DNAH5: variants seen among roughly 807,000 people sequenced by gnomAD.
DNAH5 encodes axonemal beta dynein heavy chain 5.
A neutral mutation model predicts 518.2 loss-of-function variants in DNAH5; 372 were observed. The ratio of observed to expected loss-of-function variants is 0.72; its 90% CI spans 0.66 to 0.78. The LOEUF (loss-of-function observed/expected upper bound fraction) is 0.78, where lower values mean the gene tolerates loss of function less well. Ranked by LOEUF, DNAH5 falls within the 30% of genes least tolerant of loss-of-function variation. The pLI, the probability that DNAH5 is intolerant of heterozygous loss-of-function variation, is 0.00. For missense variants in DNAH5, 5,523 were observed against 5,687.0 expected, an observed-to-expected ratio of 0.97 and a Z score of 0.93; for synonymous variants, 2,039 against 2,025.9, an observed-to-expected ratio of 1.01 and a Z score of -0.17.
intron 16 of DNAH5, among the ~76,000 whole-genome samples, chr5:13,891,936 CAGAT>C (rs1367960522): frequency 6.6e-6 from 1 of 152,158 alleles, no homozygotes; most frequent in Non-Finnish European, 1.5e-5. Context: ...CATTTTTCAA[CAGAT>C]ACCATACAGT....
chr5:13,859,814 A>G (rs908391564), intron 29 of DNAH5, among the ~76,000 whole-genome samples: 2 of 152,174 alleles, frequency 1.3e-5, no homozygotes, highest in East Asian at 3.9e-4. Flanking sequence ...GATCCAGAGC[A>G]TAGAGAAGGG....
intron 70 of DNAH5, among the ~76,000 whole-genome samples, chr5:13,721,543 T>C (rs965653589): frequency 3.3e-5 from 5 of 152,082 alleles, no homozygotes; most frequent in African/African-American, 1.2e-4. Flanking sequence ...GACCAGAAAA[T>C]AAAAATACTG....
Position 13,721,094 on chromosome 5 carries a change from A to C in DNAH5, c.12185T>G (p.Leu4062Trp), listed in dbSNP as rs1744993577. 6.2e-7 allele frequency: 1 copy of C among 1,614,108 alleles called. No homozygotes were observed. Among genetic ancestry groups the C allele is most frequent in the East Asian group, 2.2e-5 (1 of 44,874 alleles). Residue 4062 changes from leucine (L) to tryptophan (W), a missense_variant, in exon 71 of 79, where the codon TTG (leucine) becomes TGG (tryptophan). By Grantham distance (61) the Leu-to-Trp change is moderately conservative. Around this residue, in one of 3 missense-constraint regions of DNAH5, gnomAD observed 5,121 missense variants for 5,223.3 expected, o/e 0.98. Coordinates refer to ENST00000265104, the MANE Select transcript of DNAH5 (RefSeq NM_001369.3). ...GSDPTDSIIALGKRLKIETRY... is the reference protein window; with the variant it reads ...GSDPTDSIIAWGKRLKIETRY... ...GGTTTCTATTTTTAATCTCTTCCCCAAGGCAATGATGGAATCTGTGGGGTC... is the reference window on the plus strand; with the variant it reads ...GGTTTCTATTTTTAATCTCTTCCCCCAGGCAATGATGGAATCTGTGGGGTC...
intron 29 of DNAH5, among the ~76,000 whole-genome samples, 191 bp from the exon 30 acceptor site, chr5:13,859,796 T>A (rs1448901761): frequency 6.6e-6 from 1 of 152,214 alleles, no homozygotes; most frequent in Non-Finnish European, 1.5e-5. Context: ...TCTAGCTTTT[T>A]CCCTTTTGAT....
chr5:13,921,124 T>A (rs2151993473), intron 5 of DNAH5, among the ~76,000 whole-genome samples: 1 of 152,282 alleles, frequency 6.6e-6, no homozygotes, highest in South Asian at 2.1e-4. Context: ...ATGCCAACAA[T>A]TTTATTTGGT....
chr5:13,753,953 C>T (rs111780159), intron 62 of DNAH5, among the ~76,000 whole-genome samples: 25 of 152,164 alleles, frequency 1.6e-4, no homozygotes, highest in African/African-American at 5.5e-4. Flanking sequence ...CTAATAAGGA[C>T]AGCATAGATG....
intron 43 of DNAH5, 132 bp from the exon 44 acceptor site, chr5:13,811,955 C>T: frequency 1.3e-6 from 1 of 766,564 alleles, no homozygotes; most frequent in Non-Finnish European, 2.1e-6. Context: ...CACTATGTTC[C>T]AGGCTTTGTT....
intron 42 of DNAH5, among the ~76,000 whole-genome samples, chr5:13,816,151 G>A (rs1761417182): frequency 6.6e-6 from 1 of 152,196 alleles, no homozygotes; most frequent in South Asian, 2.1e-4. Flanking sequence ...TATTTGACAA[G>A]CTGGAGGTCA....
chr5:13,824,596 G>A (rs1354544369), intron 38 of DNAH5, among the ~76,000 whole-genome samples: 1 of 152,108 alleles, frequency 6.6e-6, no homozygotes, highest in Non-Finnish European at 1.5e-5. Flanking sequence ...CAGGGAAAAA[G>A]GAATAAATTT....
chr5:13,786,449 A>G, intron 51 of DNAH5, 98 bp from the exon 52 acceptor site: 1 of 1,219,368 alleles, frequency 8.2e-7, no homozygotes, highest in Non-Finnish European at 1.2e-6. Context: ...CTAACACTGA[A>G]TAACATTCAT....
chr5:13,775,140 T>G (rs867771107), intron 55 of DNAH5, among the ~76,000 whole-genome samples: 16 of 151,588 alleles, frequency 1.1e-4, no homozygotes, highest in Middle Eastern at 6.8e-3. Context: ...TTTGTTTTTT[T>G]TTTTTTTCAA....
intron 1 of DNAH5, among the ~76,000 whole-genome samples, chr5:13,992,631 G>A (rs780139176): frequency 1.1e-4 from 17 of 152,098 alleles, no homozygotes; most frequent in Non-Finnish European, 2.2e-4. Flanking sequence ...TCATATCCAG[G>A]GGATTCCCTT....
chr5:13,777,105 G>T (rs1007346963), intron 54 of DNAH5, 97 bp downstream of exon 54: 1 of 1,173,466 alleles, frequency 8.5e-7, no homozygotes, highest in Non-Finnish European at 1.2e-6. Flanking sequence ...ATCCCCAATA[G>T]CACTTATTCA....
At chr5:13,864,968 T>A (rs910263191) in intron 27 of DNAH5, among the ~76,000 whole-genome samples, 2 of 151,518 alleles carry the variant, frequency 1.3e-5, no homozygotes, top group Non-Finnish European at 2.9e-5. Flanking sequence ...CATAGCAAAG[T>A]GTATCAGGCT....
chr5:14,000,181 G>A (rs886675382), intron 1 of DNAH5, among the ~76,000 whole-genome samples: 4 of 152,188 alleles, frequency 2.6e-5, no homozygotes, highest in South Asian at 2.1e-4. Flanking sequence ...TCTGACTGGC[G>A]TCCTTCTGAA....
Position 13,719,103 on chromosome 5 carries a change from T to C in DNAH5, c.12280-2A>G. The C allele has an allele frequency of 6.2e-7, 1 of 1,612,366 alleles. No homozygotes were observed. Among genetic ancestry groups the C allele is most frequent in the South Asian group, 1.1e-5 (1 of 91,032 alleles). On this transcript the variant is annotated splice_acceptor_variant, in intron 71 of 78. Transcript: ENST00000265104. LOFTEE classifies it high-confidence loss of function. ...GTTCTGCAGAAGTGCCCATCCTCCC[T>C]GTCAATAGCAGTAAACGGAAATTAG...
chr5:13,707,566 C>T lies in DNAH5; in HGVS notation c.13338+557G>A, dbSNP rs745879043. Among the ~76,000 whole-genome samples, 1 of 152,182 alleles carries T rather than the reference C, an allele frequency of 6.6e-6. No homozygotes were observed. The highest frequency in any genetic ancestry group is 1.5e-5 in the Non-Finnish European group (1 of 68,028). On this transcript the variant is annotated intron_variant, in intron 76 of 78. Transcript: ENST00000265104. The surrounding 1 kb of genome is among the most constrained non-coding windows in gnomAD (Gnocchi z 4.0). ...ACAGTCCCTACAACCTGCCCCTCTG[C>T]ATGCTCCCCCTAGGGATTTCAGCAG...
intron 50 of DNAH5, among the ~76,000 whole-genome samples, chr5:13,789,337 A>C (rs1335281621): frequency 6.6e-6 from 1 of 152,226 alleles, no homozygotes; most frequent in Non-Finnish European, 1.5e-5. Context: ...CTTAACACAA[A>C]GTGAATAAAA....
At chr5:13,712,604 G>A (rs952755949) in intron 75 of DNAH5, among the ~76,000 whole-genome samples, 5 of 151,948 alleles carry the variant, frequency 3.3e-5, no homozygotes, top group Non-Finnish European at 5.9e-5. Context: ...GAATCACAAC[G>A]AACTCAAACA....
Sources: gnomAD v4.1 joint callset for allele counts (sites outside exome capture counted in the v4.1 genomes callset) on GRCh38, gnomAD v4.1.1 for gene constraint, gnomAD v4.1.1 regional missense constraint, Gnocchi (gnomAD v3.1) non-coding constraint, MANE v1.5 for transcripts, NCBI Gene and HGNC (gene_info 2026-07-23, HGNC 2026-07-21) for gene names.